PTPRD: variants seen among roughly 807,000 people sequenced by gnomAD.
PTPRD encodes protein tyrosine phosphatase receptor type D.
Under a neutral mutation model 214.5 loss-of-function variants are expected in PTPRD, and 34 were observed. The observed-to-expected ratio is 0.16, with a 90% confidence interval of 0.12 to 0.21. The LOEUF (loss-of-function observed/expected upper bound fraction) is 0.21, where lower values mean the gene tolerates loss of function less well. PTPRD is among the 10% of genes least tolerant of loss of function. The pLI is 1.00. For synonymous variants in PTPRD, 1,128 were observed against 845.7 expected, an observed-to-expected ratio of 1.33 and a Z score of -5.79; for missense variants, 2,545 against 2,398.7, an observed-to-expected ratio of 1.06 and a Z score of -1.27.
chr9:8,650,854 A>AT (rs1352045745), intron 12 of PTPRD, among the ~76,000 whole-genome samples: 4 of 149,692 alleles, frequency 2.7e-5, no homozygotes, highest in Non-Finnish European at 5.9e-5. Flanking sequence ...CCTTCCAGAT[A>AT]TTTTTCACTA....
intron 9 of PTPRD, among the ~76,000 whole-genome samples, chr9:9,230,459 T>C (rs1391744859): frequency 6.6e-6 from 1 of 152,114 alleles, no homozygotes; most frequent in African/African-American, 2.4e-5. Context: ...TTTTAGCACA[T>C]TATCACACCT....
In PTPRD at chr9:10,298,112, C is replaced by T. The variant is rs183910095; in HGVS notation, c.-545+42851G>A. On this transcript the variant is annotated intron_variant, in intron 3 of 45. Transcript: ENST00000381196. The stretch of plus-strand genomic sequence containing the variant: ...GAGGCGCTTGCATTAAAGAGAAAAA[C>T]ATAAAATAATAAAAACATATATCAT... Among the ~76,000 whole-genome samples the T allele has an allele frequency of 2.0e-5, 3 of 152,182 alleles. No homozygotes were observed. In the East Asian group the frequency reaches 5.8e-4, roughly 29 times the overall value.
chr9:10,052,767 C>G (rs1404463736), intron 3 of PTPRD, among the ~76,000 whole-genome samples: 3 of 152,038 alleles, frequency 2.0e-5, no homozygotes, highest in African/African-American at 7.2e-5. Context: ...TTTCTTTCTT[C>G]AAAATGTATC....
At chr9:9,222,163 G>T (rs1359175567) in intron 9 of PTPRD, among the ~76,000 whole-genome samples, 1 of 152,016 alleles carries the variant, frequency 6.6e-6, no homozygotes, top group African/African-American at 2.4e-5. Context: ...GTAGGCAAAA[G>T]TAATCTATTA....
rs2154327874 is a variant in PTPRD, at chr9:8,636,706, C to G, written c.203G>C (p.Arg68Thr). Residue 68 changes from arginine to threonine, a missense_variant, in exon 13 of 46, where the codon AGA (arginine) becomes ACA (threonine). By Grantham distance (71) the Arg-to-Thr change is moderately conservative (BLOSUM62 -1). Coordinates refer to ENST00000381196, the MANE Select transcript of PTPRD (RefSeq NM_002839.4). ...GAACAATGGACCTAATACCTCAAAT[C>G]TCTGATTGCTGACTTTCTTTCCTTT... ...NKKGKKVSNQ[R>T]FEVIEFDDGS... 1 of 1,614,024 alleles carries G rather than the reference C, an allele frequency of 6.2e-7. No homozygotes were observed. The highest frequency in any genetic ancestry group is 8.5e-7 in the Non-Finnish European group (1 of 1,179,908).
chr9:10,131,909 T>C (rs2098891335), intron 3 of PTPRD, among the ~76,000 whole-genome samples: 1 of 152,118 alleles, frequency 6.6e-6, no homozygotes, highest in Non-Finnish European at 1.5e-5. Context: ...TCAAAAAATA[T>C]GCTCAAACAA....
At chr9:10,405,624 G>A (rs961677071) in intron 2 of PTPRD, among the ~76,000 whole-genome samples, 7 of 151,510 alleles carry the variant, frequency 4.6e-5, no homozygotes, top group Non-Finnish European at 7.4e-5. Context: ...TTTATACTGC[G>A]TAAAAATTAA....
chr9:10,268,542 T>C (rs988485210), intron 3 of PTPRD, among the ~76,000 whole-genome samples: 3 of 152,158 alleles, frequency 2.0e-5, no homozygotes, highest in Non-Finnish European at 2.9e-5. Context: ...TTGATCCTTC[T>C]GACACTCTTC....
At chr9:9,606,966 A>AT in intron 7 of PTPRD, among the ~76,000 whole-genome samples, 1 of 33,028 alleles carries the variant, frequency 3.0e-5, no homozygotes, top group African/African-American at 1.2e-4. Flanking sequence ...CAGCACTGCT[A>AT]AAAAAAAAAA....
intron 9 of PTPRD, among the ~76,000 whole-genome samples, chr9:9,390,432 A>G (rs2140883091): frequency 6.6e-6 from 1 of 152,298 alleles, no homozygotes; most frequent in East Asian, 1.9e-4. Flanking sequence ...CGTCCACTCT[A>G]TCAGTCAATG....
At chr9:10,051,852 T>A (rs1405943036) in intron 3 of PTPRD, among the ~76,000 whole-genome samples, 1 of 152,212 alleles carries the variant, frequency 6.6e-6, no homozygotes, top group East Asian at 1.9e-4. Flanking sequence ...AGATAAGAAA[T>A]GCTACACAAA....
chr9:9,529,083 C>A (rs2074866866), intron 8 of PTPRD, among the ~76,000 whole-genome samples: 1 of 151,594 alleles, frequency 6.6e-6, no homozygotes, highest in Non-Finnish European at 1.5e-5. Context: ...CAGGTGCATG[C>A]CACCACGCCT....
intron 2 of PTPRD, among the ~76,000 whole-genome samples, chr9:10,489,791 G>A (rs950749290): frequency 1.3e-5 from 2 of 152,214 alleles, no homozygotes; most frequent in South Asian, 2.1e-4. Flanking sequence ...GGGCAGCACT[G>A]AGTTCAATGC....
rs150779223 is a variant in PTPRD, at chr9:8,670,008, GT to G, written c.65-33165del. On this transcript the variant is annotated intron_variant, in intron 12 of 45. Transcript: ENST00000381196. The stretch of plus-strand genomic sequence containing the variant: ...AAAGAGAAAGATTATAGGGGTCGGT[GT>G]TTTCTGCCTCTTTTTTTTTTTTTAA... 9.8e-4 allele frequency among the ~76,000 whole-genome samples: 147 copies of G among 149,888 alleles called. 7 individuals are homozygous for G. In the East Asian group the frequency reaches 0.022, roughly 22 times the overall value.
chr9:8,362,796 T>G (rs543340687), intron 39 of PTPRD, among the ~76,000 whole-genome samples: 2 of 152,330 alleles, frequency 1.3e-5, no homozygotes, highest in East Asian at 3.9e-4. Context: ...AGCTATAACT[T>G]CAGTCAAGTG....
intron 5 of PTPRD, among the ~76,000 whole-genome samples, chr9:9,809,822 T>C (rs1385687002): frequency 6.6e-6 from 1 of 152,152 alleles, no homozygotes; most frequent in African/African-American, 2.4e-5. Context: ...AATGGTGACT[T>C]TGATACTGGA....
intron 6 of PTPRD, among the ~76,000 whole-genome samples, chr9:9,761,727 G>A (rs143255341): frequency 3.3e-5 from 5 of 151,532 alleles, no homozygotes; most frequent in East Asian, 3.9e-4. Context: ...TAAAAATTTC[G>A]ATGAAATTAA....
intron 21 of PTPRD, among the ~76,000 whole-genome samples, chr9:8,507,848 T>C: frequency 6.6e-6 from 1 of 152,218 alleles, no homozygotes. Context: ...ACTTACTCTC[T>C]AGCACTACAT....
At chr9:8,919,641 A>G (rs908942149) in intron 11 of PTPRD, among the ~76,000 whole-genome samples, 3 of 152,214 alleles carry the variant, frequency 2.0e-5, no homozygotes, top group African/African-American at 7.2e-5. Flanking sequence ...CATCTTAGGT[A>G]TAATCACATT....
Sources: allele counts gnomAD v4.1 joint callset (sites outside exome capture counted in the v4.1 genomes callset), GRCh38; gene constraint gnomAD v4.1.1; transcripts MANE v1.5; gene names NCBI Gene and HGNC (gene_info 2026-07-23, HGNC 2026-07-21).